Variants in GULP1 observed in about 807,000 individuals in gnomAD.
GULP1 encodes the protein PTB domain-containing engulfment adapter protein 1.
In GULP1, 19 loss-of-function variants were observed where a neutral mutation model predicts 40.9. The ratio of observed to expected loss-of-function variants is 0.46; its 90% confidence interval spans 0.32 to 0.68. GULP1 has a LOEUF of 0.68. Among genes scored for constraint, GULP1 ranks in the 30% least tolerant of loss-of-function variants. The pLI, the probability that GULP1 is intolerant of heterozygous loss-of-function variation, is 0.03. For synonymous variants in GULP1, 119 were observed against 117.6 expected, an observed-to-expected ratio of 1.01 and a Z score of -0.08; for missense variants, 312 against 362.2, an observed-to-expected ratio of 0.86 and a Z score of 1.12.
At chr2:188,444,321 G>A (rs2058201425) in intron 2 of GULP1, among the ~76,000 whole-genome samples, 1 of 152,140 alleles carries the variant, frequency 6.6e-6, no homozygotes, top group East Asian at 1.9e-4. Flanking sequence ...CATATGTTAA[G>A]TAGCTGGATT....
intron 4 of GULP1, among the ~76,000 whole-genome samples, chr2:188,521,999 C>T (rs1346293456): frequency 6.6e-6 from 1 of 152,084 alleles, no homozygotes; most frequent in South Asian, 2.1e-4. Flanking sequence ...TGGCGTGAAC[C>T]CGGGAGGCAG....
At chr2:188,569,037 A>G (rs1698455702) in intron 7 of GULP1, among the ~76,000 whole-genome samples, 1 of 152,070 alleles carries the variant, frequency 6.6e-6, no homozygotes, top group South Asian at 2.1e-4. Flanking sequence ...TGTTTTTTCA[A>G]TGTTGTGCCT....
chr2:188,369,184 C>A (rs1163998482), intron 1 of GULP1, among the ~76,000 whole-genome samples: 1 of 151,346 alleles, frequency 6.6e-6, no homozygotes, highest in Non-Finnish European at 1.5e-5. Context: ...TAGTCTCAAA[C>A]CCCTGACCTC....
intron 7 of GULP1, among the ~76,000 whole-genome samples, chr2:188,561,967 G>A (rs1471829439): frequency 3.3e-5 from 5 of 152,100 alleles, no homozygotes; most frequent in Admixed American, 2.0e-4. Flanking sequence ...TATTCTACCC[G>A]GCAGCTACAG....
chr2:188,423,578 A>G (rs12473653), intron 2 of GULP1, among the ~76,000 whole-genome samples: 76,906 of 151,332 alleles, frequency 0.51, 19,877 homozygotes, highest in East Asian at 0.69. Flanking sequence ...TTGAGAGGGA[A>G]AGCATTGTTT....
At chr2:188,580,769 C>T (rs1701153476) in intron 9 of GULP1, among the ~76,000 whole-genome samples, 1 of 152,096 alleles carries the variant, frequency 6.6e-6, no homozygotes, top group Admixed American at 6.6e-5. Context: ...AAGGACATAC[C>T]TCAGACTTGT....
intron 2 of GULP1, among the ~76,000 whole-genome samples, chr2:188,423,353 A>G (rs964870418): frequency 6.6e-6 from 1 of 152,182 alleles, no homozygotes; most frequent in Non-Finnish European, 1.5e-5. Context: ...TAAATTAGAC[A>G]GTATATGATT....
chr2:188,370,196 T>C (rs2152434405), intron 1 of GULP1, among the ~76,000 whole-genome samples: 1 of 152,276 alleles, frequency 6.6e-6, no homozygotes, highest in Admixed American at 6.5e-5. Context: ...GGTAGGGTTA[T>C]TCTTCCAGCA....
At chr2:188,314,862 C>T (rs1359472292) in intron 1 of GULP1, among the ~76,000 whole-genome samples, 1 of 152,116 alleles carries the variant, frequency 6.6e-6, no homozygotes, top group Non-Finnish European at 1.5e-5. Flanking sequence ...TTTGAATCAT[C>T]CCTTTGTCTA....
At chr2:188,589,665 G>T in intron 11 of GULP1, 3 of 676,140 alleles carry the variant, frequency 4.4e-6, no homozygotes, top group Non-Finnish European at 7.2e-6. Context: ...GTTAAACCGT[G>T]GTGTTTTTGC....
At chr2:188,507,426 A>G (rs1247107347) in intron 4 of GULP1, among the ~76,000 whole-genome samples, 1 of 144,562 alleles carries the variant, frequency 6.9e-6, no homozygotes, top group East Asian at 2.0e-4. Context: ...GCTTGTGGCA[A>G]GCAGTATCCA....
At position 188,587,954 on chromosome 2, in the gene GULP1, C is replaced by T. The variant is rs771093796; in HGVS notation, c.843+5C>T. On this transcript the variant is annotated splice_donor_5th_base_variant and intron_variant, in intron 11 of 11. Transcript: ENST00000409830. ...TCAAAATTAGATGAGATGCAGGTGA[C>T]TATTTTGATAGACTGGCCCATAAAT... is the stretch of plus-strand genomic sequence containing the variant. 1 of 1,409,548 alleles carries T rather than the reference C, an allele frequency of 7.1e-7. No homozygotes were observed. The highest frequency in any genetic ancestry group is 1.4e-5 in the African/African-American group (1 of 71,028). The allele number at this position is 1,409,548 out of a possible 1,614,324, so 87.3% of individuals were successfully genotyped here. A position where few individuals can be genotyped will look rare whatever the true frequency, so the allele number is the denominator to read the frequency against.
chr2:188,560,482 C>T (rs899049481), intron 7 of GULP1, among the ~76,000 whole-genome samples: 1 of 152,164 alleles, frequency 6.6e-6, no homozygotes, highest in Admixed American at 6.5e-5. Flanking sequence ...ATTTTCCCAT[C>T]TTCTGAGCCC....
chr2:188,328,766 T>C (rs2152018736), intron 1 of GULP1, among the ~76,000 whole-genome samples: 1 of 152,308 alleles, frequency 6.6e-6, no homozygotes, highest in East Asian at 1.9e-4. Flanking sequence ...AAAGAGCTTT[T>C]CTTTAATAAA....
intron 1 of GULP1, among the ~76,000 whole-genome samples, chr2:188,338,990 T>C (rs1231733473): frequency 1.3e-5 from 2 of 152,224 alleles, no homozygotes. Context: ...TTGGGTACAA[T>C]GCTCTTTATG....
chr2:188,379,238 T>G (rs1290040364), intron 1 of GULP1, among the ~76,000 whole-genome samples: 1 of 152,200 alleles, frequency 6.6e-6, no homozygotes, highest in East Asian at 1.9e-4. Context: ...TTTAAAATTC[T>G]TATGTGTTCT....
chr2:188,534,367 C>T (rs529057665), intron 6 of GULP1, among the ~76,000 whole-genome samples: 16 of 152,146 alleles, frequency 1.1e-4, no homozygotes, highest in African/African-American at 3.9e-4. Flanking sequence ...AGGTCATTAT[C>T]CTAAATGATT....
intron 1 of GULP1, among the ~76,000 whole-genome samples, chr2:188,337,102 CTATATCTAT>C (rs1559125057): frequency 2.7e-5 from 4 of 146,304 alleles, no homozygotes; most frequent in Non-Finnish European, 4.6e-5. Flanking sequence ...ATATCTATAT[CTATATCTAT>C]ATCTATATCT....
intron 4 of GULP1, among the ~76,000 whole-genome samples, chr2:188,520,045 G>T (rs1403659333): frequency 2.6e-5 from 4 of 152,254 alleles, no homozygotes; most frequent in Admixed American, 2.6e-4. Context: ...CTCCATTGGT[G>T]TCAGGAATAG....
Sources: gnomAD v4.1 joint callset for allele counts (sites outside exome capture counted in the v4.1 genomes callset) on GRCh38, gnomAD v4.1.1 for gene constraint, MANE v1.5 for transcripts, NCBI Gene and HGNC (gene_info 2026-07-23, HGNC 2026-07-21) for gene names.